The following LIG1 variants were observed in gnomAD, a reference collection of about 807,000 sequenced individuals.
LIG1 encodes ligase I, DNA, ATP-dependent.
Under a neutral mutation model 115.7 loss-of-function variants are expected in LIG1, and 70 were observed. The observed-to-expected ratio is 0.60, with a 90% CI of 0.50 to 0.74. The LOEUF (loss-of-function observed/expected upper bound fraction) is 0.74. LIG1 is among the 30% of genes least tolerant of loss of function. The pLI is 0.00. For missense variants in LIG1, 1,115 were observed against 1,225.6 expected (o/e 0.91, Z 1.35); for synonymous variants, 487 against 495.3 (o/e 0.98, Z 0.22).
At chr19:48,116,043 A>G (rs1452252396) in intron 26 of LIG1, 78 bp from the exon 27 acceptor site, 2 of 1,041,266 alleles carry the variant, frequency 1.9e-6, no homozygotes, top group Non-Finnish European at 2.9e-6. Context: ...TCCACTCTGG[A>G]CTGTTTCCTG....
chr19:48,163,355 G>A (rs908011298), intron 2 of LIG1, among the ~76,000 whole-genome samples: 2 of 152,088 alleles, frequency 1.3e-5, no homozygotes, highest in Admixed American at 6.6e-5. Flanking sequence ...CTGAGTAGCT[G>A]AGATTACAGG....
At chr19:48,140,490 G>A (rs1053945047) in intron 11 of LIG1, among the ~76,000 whole-genome samples, 3 of 152,194 alleles carry the variant, frequency 2.0e-5, no homozygotes, top group South Asian at 2.1e-4. Flanking sequence ...ACTCTGAAAC[G>A]AAATTGGTAA....
chr19:48,127,685 A>G (rs1233494470), intron 20 of LIG1: 3 of 628,734 alleles, frequency 4.8e-6, no homozygotes, highest in African/African-American at 1.8e-5. Context: ...TTTCATAGTA[A>G]AACAACAGAG....
chr19:48,140,222 G>T, intron 11 of LIG1, 79 bp from the exon 12 acceptor site: 4 of 925,136 alleles, frequency 4.3e-6, no homozygotes, highest in East Asian at 2.6e-5. Context: ...GGTTTAAGGG[G>T]GTGGACACTA....
intron 4 of LIG1, among the ~76,000 whole-genome samples, chr19:48,160,438 C>A (rs146245172): frequency 6.6e-6 from 1 of 152,204 alleles, no homozygotes; most frequent in African/African-American, 2.4e-5. Flanking sequence ...GCTGTGGATG[C>A]GGCTGCAGAT....
At chr19:48,144,088 T>C (rs1237260122) in intron 9 of LIG1, 125 bp from the exon 10 acceptor site, 7 of 834,306 alleles carry the variant, frequency 8.4e-6, no homozygotes, top group Admixed American at 3.7e-5. Context: ...AAAACAAAGT[T>C]TGCTAACCTG....
At position 48,137,831 on chromosome 19, in the gene LIG1, A is replaced by G. The variant is rs991932408; in HGVS notation, c.1088-143T>C. Reference sequence around the variant, plus strand: ...ACCTCCCTGTGTCTAACGCTCACCCACTTGGTAGAAATGGCTTGGGGAACG... The same window carrying G: ...ACCTCCCTGTGTCTAACGCTCACCCGCTTGGTAGAAATGGCTTGGGGAACG... On this transcript the variant is annotated intron_variant, in intron 12 of 27. Transcript: ENST00000263274. The surrounding 1 kb of genome is among the most constrained non-coding windows in gnomAD (Gnocchi z 4.3). The G allele has an allele frequency of 2.8e-6, 3 of 1,053,442 alleles. No homozygotes were observed. Among genetic ancestry groups the G allele is most frequent in the African/African-American group, 3.1e-5 (2 of 63,514 alleles). The allele number at this position is 1,053,442 out of a possible 1,614,324, so 65.3% of individuals were successfully genotyped here. A position where few individuals can be genotyped will look rare whatever the true frequency, so the allele number is the denominator to read the frequency against.
chr19:48,142,421 C>A (rs2034822227), intron 11 of LIG1, among the ~76,000 whole-genome samples: 1 of 105,664 alleles, frequency 9.5e-6, no homozygotes. Context: ...CCAGCCTGGG[C>A]AACAGAGCAA....
rs1405876526 is a variant in LIG1 at position 48,115,601 on chromosome 19, G to A, written c.*48C>T. Reference sequence around the variant, plus strand: ...AAAGCAAAGGCAATAATAACCCTGGGGTCCGTCCAACTCATGCCCTGTACC... The same window carrying A: ...AAAGCAAAGGCAATAATAACCCTGGAGTCCGTCCAACTCATGCCCTGTACC... On this transcript the variant is annotated 3_prime_UTR_variant, in exon 28 of 28. Transcript: ENST00000263274. The A allele has an allele frequency of 6.6e-6, 9 of 1,362,096 alleles. No homozygotes were observed. Among genetic ancestry groups the A allele is most frequent in the Non-Finnish European group, 9.5e-6 (9 of 951,168 alleles). 84.4% of individuals were successfully genotyped at this position (1,362,096 alleles called of 1,614,324 possible). A position where few individuals can be genotyped will look rare whatever the true frequency, so the allele number is the denominator to read the frequency against.
intron 15 of LIG1, 31 bp downstream of exon 15, chr19:48,136,003 A>C: frequency 6.6e-7 from 1 of 1,509,750 alleles, no homozygotes; most frequent in Non-Finnish European, 9.0e-7. Context: ...AACTCCAGCG[A>C]GGGATGCAGA....
chr19:48,132,519 C>T (rs1461064203), intron 18 of LIG1, among the ~76,000 whole-genome samples: 1 of 151,946 alleles, frequency 6.6e-6, no homozygotes, highest in Non-Finnish European at 1.5e-5. Context: ...AGGCCAGGCA[C>T]GATGGTTCAT....
chr19:48,121,215 C>G lies in LIG1; in HGVS notation c.2340G>C (p.Leu780=). The G allele has an allele frequency of 5.6e-6, 9 of 1,614,072 alleles. No homozygotes were observed. Among genetic ancestry groups the G allele is most frequent in the Non-Finnish European group, 6.8e-6 (8 of 1,180,028 alleles). ...KRAGRYGGFL[L]ASYDEDSEEL... is the part of the protein sequence containing the mutation. The stretch of plus-strand genomic sequence containing the variant: ...CCTCACTGTCCTCGTCGTAGGAGGC[C>G]AGCAGGAAGCCCCCGTACCGGCCGG... Residue 780 remains leucine, a synonymous_variant, in exon 24 of 28, where the codon CTG becomes CTC. Transcript: ENST00000263274.
At chr19:48,135,594 C>T (rs1325462390) in intron 16 of LIG1, 86 bp downstream of exon 16, 2 of 1,040,146 alleles carry the variant, frequency 1.9e-6, no homozygotes, top group Non-Finnish European at 1.5e-6. Flanking sequence ...ACTTCACTGG[C>T]CCCACCCACT....
In LIG1 at chr19:48,123,856, A is replaced by T. The variant is rs867303209; in HGVS notation, c.2005-538T>A. On this transcript the variant is annotated intron_variant, in intron 21 of 27. Coordinates refer to ENST00000263274, the MANE Select transcript of LIG1 (RefSeq NM_000234.3). ...TCCAGCCTCATCCCCAAGATAATTA[A>T]AAAAAAAAAAAAAAGTCCTCCTTTC... is the stretch of plus-strand genomic sequence containing the variant. 7.4e-3 allele frequency among the ~76,000 whole-genome samples: 1,098 copies of T among 148,384 alleles called. 13 individuals are homozygous for T. Among genetic ancestry groups the T allele is most frequent in the African/African-American group, 0.024 (977 of 40,900 alleles).
In LIG1 at chr19:48,143,420, C is replaced by T. The variant is rs142969578; in HGVS notation, c.914+123G>A. The T allele has an allele frequency of 4.9e-4, 437 of 897,004 alleles. 3 individuals are homozygous for T. The East Asian group carries it at 8.4e-3, about 17-fold the overall frequency. The allele number at this position is 897,004 out of a possible 1,614,324, so 55.6% of individuals were successfully genotyped here. On this transcript the variant is annotated intron_variant, in intron 11 of 27. Transcript: ENST00000263274. ...ACCATGTCTGACATCCATGATCATA[C>T]GCCCGAGCGGGGTCAGAGGCCAAGT...
chr19:48,135,793 C>A lies in LIG1; in HGVS notation c.1424-14G>T. On this transcript the variant is annotated splice_polypyrimidine_tract_variant and intron_variant, in intron 15 of 27. Coordinates refer to ENST00000263274, the MANE Select transcript of LIG1 (RefSeq NM_000234.3). ...CTGGTGGGAATTCTAAGAAAAGACC[C>A]ACCAGAGGCTTTGGAAGGCACCCAC... The A allele has an allele frequency of 6.2e-7, 1 of 1,609,714 alleles. No individual in the cohort carries two copies.
intron 9 of LIG1, among the ~76,000 whole-genome samples, chr19:48,145,113 G>A (rs977403523): frequency 1.3e-5 from 2 of 152,150 alleles, no homozygotes; most frequent in African/African-American, 4.8e-5. Flanking sequence ...TGCACACGCT[G>A]GTGTCTCACT....
chr19:48,132,181 T>C (rs1230539553), intron 18 of LIG1, among the ~76,000 whole-genome samples: 1 of 152,078 alleles, frequency 6.6e-6, no homozygotes, highest in Non-Finnish European at 1.5e-5. Flanking sequence ...TTCCTGTAAC[T>C]GCCCCGAGCC....
intron 18 of LIG1, among the ~76,000 whole-genome samples, chr19:48,132,294 C>T (rs2034075889): frequency 6.6e-6 from 1 of 152,150 alleles, no homozygotes; most frequent in African/African-American, 2.4e-5. Context: ...GACCCCAGGA[C>T]CAAGGACGCC....
Sources: allele counts gnomAD v4.1 joint callset (sites outside exome capture counted in the v4.1 genomes callset), GRCh38; gene constraint gnomAD v4.1.1; non-coding constraint Gnocchi (gnomAD v3.1); transcripts MANE v1.5; gene names NCBI Gene and HGNC (gene_info 2026-07-23, HGNC 2026-07-21).